The following SGCZ variants were observed in gnomAD, a reference collection of about 807,000 sequenced individuals.
The protein encoded by SGCZ is zeta-sarcoglycan.
In SGCZ, 40 loss-of-function variants were observed where a neutral mutation model predicts 41.3. That is an observed-to-expected ratio of 0.97 (90% CI 0.75 to 1.26). SGCZ has a LOEUF of 1.26. Ranked by LOEUF, SGCZ falls within the 50% of genes most tolerant of loss-of-function variation. The pLI is 0.00. For missense variants in SGCZ, 552 were observed against 369.8 expected, an observed-to-expected ratio of 1.49 and a Z score of -4.04; for synonymous variants, 206 against 137.5, an observed-to-expected ratio of 1.50 and a Z score of -3.49.
chr8:14,406,231 C>T (rs900966629), intron 2 of SGCZ, among the ~76,000 whole-genome samples: 4 of 152,086 alleles, frequency 2.6e-5, no homozygotes, highest in Non-Finnish European at 5.9e-5. Context: ...TTCCATCTTC[C>T]GATGTCGGGC....
In SGCZ at chr8:15,099,288, G is replaced by T. The variant is rs533110552; in HGVS notation, c.39+138297C>A. 5.3e-5 allele frequency among the ~76,000 whole-genome samples: 8 copies of T among 152,114 alleles called. No homozygotes were observed. In the South Asian group the frequency reaches 1.7e-3, roughly 32 times the overall value. ...ATATATGTAAAAAAATACTAAAATGGAAATTACATCAGAAATAAACAAGGG... is the reference window on the plus strand; with the variant it reads ...ATATATGTAAAAAAATACTAAAATGTAAATTACATCAGAAATAAACAAGGG... On this transcript the variant is annotated intron_variant, in intron 1 of 7. Transcript: ENST00000382080.
intron 1 of SGCZ, among the ~76,000 whole-genome samples, chr8:15,086,396 TG>T (rs1397959902): frequency 2.6e-5 from 4 of 152,192 alleles, no homozygotes; most frequent in Non-Finnish European, 4.4e-5. Flanking sequence ...CATCTAAACA[TG>T]GAAAGTATGT....
chr8:14,857,364 A>G (rs1413685310), intron 1 of SGCZ, among the ~76,000 whole-genome samples: 2 of 152,208 alleles, frequency 1.3e-5, no homozygotes, highest in Non-Finnish European at 2.9e-5. Context: ...TAATGAGATT[A>G]CAGATGAGAG....
chr8:14,215,157 A>G (rs1397986673), intron 4 of SGCZ, among the ~76,000 whole-genome samples: 1 of 152,210 alleles, frequency 6.6e-6, no homozygotes, highest in Admixed American at 6.5e-5. Context: ...TTAAAGACAC[A>G]AAATATGTTT....
rs7836211 is a variant in SGCZ, at chr8:14,218,588, G to A, written c.424+19004C>T. On this transcript the variant is annotated intron_variant, in intron 4 of 7. Coordinates refer to ENST00000382080, the MANE Select transcript of SGCZ (RefSeq NM_139167.4). ...GTGACAGTGGAATGCATTCTTAAATGTGTTTATGTTAAATGACATTTTAAT... is the reference window on the plus strand; with the variant it reads ...GTGACAGTGGAATGCATTCTTAAATATGTTTATGTTAAATGACATTTTAAT... 3.4e-3 allele frequency among the ~76,000 whole-genome samples: 517 copies of A among 152,310 alleles called. 4 individuals carry two copies. Among genetic ancestry groups the A allele is most frequent in the African/African-American group, 8.0e-3 (333 of 41,564 alleles).
chr8:14,577,593 G>C (rs1285203922), intron 1 of SGCZ, among the ~76,000 whole-genome samples: 1 of 151,824 alleles, frequency 6.6e-6, no homozygotes, highest in Non-Finnish European at 1.5e-5. Context: ...TCACCATATT[G>C]GCCAGGCTGG....
intron 1 of SGCZ, among the ~76,000 whole-genome samples, chr8:14,610,628 A>G (rs1805897046): frequency 6.6e-6 from 1 of 152,266 alleles, no homozygotes; most frequent in South Asian, 2.1e-4. Flanking sequence ...AAGAGGACAG[A>G]GATAAAATTT....
intron 1 of SGCZ, among the ~76,000 whole-genome samples, chr8:14,819,474 G>T (rs1802007474): frequency 6.6e-6 from 1 of 152,070 alleles, no homozygotes; most frequent in African/African-American, 2.4e-5. Context: ...GCCTTATAGG[G>T]AACACTCAAG....
intron 1 of SGCZ, among the ~76,000 whole-genome samples, chr8:15,220,483 G>C (rs1160810483): frequency 1.3e-5 from 2 of 152,068 alleles, no homozygotes; most frequent in Admixed American, 6.6e-5. Flanking sequence ...GGGCAATTCT[G>C]ATTAAAATCA....
intron 3 of SGCZ, among the ~76,000 whole-genome samples, chr8:14,250,590 G>A (rs573124750): frequency 2.0e-5 from 3 of 152,004 alleles, no homozygotes; most frequent in Non-Finnish European, 2.9e-5. Flanking sequence ...AAAGAATAGG[G>A]GTCTCCATAT....
intron 1 of SGCZ, among the ~76,000 whole-genome samples, chr8:15,119,064 AC>A (rs1279988442): frequency 2.3e-4 from 35 of 152,198 alleles, no homozygotes; most frequent in African/African-American, 8.2e-4. Flanking sequence ...ACAATTTGAT[AC>A]TTTTTTCAGA....
chr8:14,575,374 T>C (rs1804675701), intron 1 of SGCZ, among the ~76,000 whole-genome samples: 1 of 152,182 alleles, frequency 6.6e-6, no homozygotes, highest in African/African-American at 2.4e-5. Context: ...ACTGGTTGTG[T>C]CCATATGAAT....
chr8:14,454,520 T>C (rs1032078694), intron 2 of SGCZ, among the ~76,000 whole-genome samples: 1 of 152,056 alleles, frequency 6.6e-6, no homozygotes, highest in Non-Finnish European at 1.5e-5. Flanking sequence ...AAAATACCAA[T>C]AATCTATATT....
chr8:15,001,869 G>T (rs1421968239), intron 1 of SGCZ, among the ~76,000 whole-genome samples: 1 of 151,916 alleles, frequency 6.6e-6, no homozygotes, highest in East Asian at 1.9e-4. Context: ...GAAGTGAAAA[G>T]CTTGTTCCCA....
At chr8:14,265,187 C>G (rs1436105963) in intron 3 of SGCZ, among the ~76,000 whole-genome samples, 1 of 152,154 alleles carries the variant, frequency 6.6e-6, no homozygotes, top group Non-Finnish European at 1.5e-5. Context: ...AGCTTTAAAA[C>G]CCTTTTCCCA....
chr8:14,656,521 C>G (rs960806331), intron 1 of SGCZ, among the ~76,000 whole-genome samples: 4 of 145,432 alleles, frequency 2.8e-5, no homozygotes, highest in Non-Finnish European at 6.0e-5. Context: ...CCTTCCTTTT[C>G]TTTTCTTTCT....
intron 1 of SGCZ, among the ~76,000 whole-genome samples, chr8:14,676,644 G>C: frequency 6.6e-6 from 1 of 152,028 alleles, no homozygotes. Flanking sequence ...TGTGGCATTA[G>C]AAAAATACAA....
chr8:15,059,768 G>C (rs1410789445), intron 1 of SGCZ, among the ~76,000 whole-genome samples: 1 of 152,194 alleles, frequency 6.6e-6, no homozygotes, highest in Non-Finnish European at 1.5e-5. Context: ...AGCACGTTTT[G>C]AATAGTTAGG....
At chr8:15,051,241 G>C (rs961085042) in intron 1 of SGCZ, among the ~76,000 whole-genome samples, 7 of 152,194 alleles carry the variant, frequency 4.6e-5, no homozygotes, top group Admixed American at 2.0e-4. Context: ...TAAAAATGGG[G>C]AAAGGACATG....
Sources: allele counts gnomAD v4.1 joint callset (sites outside exome capture counted in the v4.1 genomes callset), GRCh38; gene constraint gnomAD v4.1.1; transcripts MANE v1.5; gene names NCBI Gene and HGNC (gene_info 2026-07-23, HGNC 2026-07-21).